CAMK1D: variants seen among roughly 807,000 people sequenced by gnomAD.
The protein encoded by CAMK1D is calcium/calmodulin dependent protein kinase ID.
In CAMK1D, 9 loss-of-function variants were observed where a neutral mutation model predicts 47.7. That is an observed-to-expected ratio of 0.19 (90% CI 0.11 to 0.33). CAMK1D has a LOEUF of 0.33. Among genes scored for constraint, CAMK1D ranks in the 10% least tolerant of loss-of-function variants. CAMK1D has a pLI of 1.00. For synonymous variants in CAMK1D, 184 were observed against 184.9 expected (o/e 0.99, Z 0.04); for missense variants, 291 against 488.7 (o/e 0.60, Z 3.81).
rs2130823129 is a variant in CAMK1D at position 12,734,432 on chromosome 10, A to ATAC, written c.300-26515_300-26513dup. ...CACACACACACACATGTATATATATATACACACACACATATGTGTATATAT... is the reference window on the plus strand; with the variant it reads ...CACACACACACACATGTATATATATATACTACACACACACATATGTGTATATAT... On this transcript the variant is annotated intron_variant, in intron 3 of 10. Coordinates refer to ENST00000619168, the MANE Select transcript of CAMK1D (RefSeq NM_153498.4). Among the ~76,000 whole-genome samples, 3 of 38,188 alleles carry ATAC rather than the reference A, an allele frequency of 7.9e-5. 1 individual carries two copies. The South Asian group carries it at 2.6e-3, about 33-fold the overall frequency. 25.1% of individuals were successfully genotyped at this position (38,188 alleles called of 152,430 possible).
chr10:12,433,158 T>C (rs1832537244), intron 1 of CAMK1D, among the ~76,000 whole-genome samples: 1 of 152,160 alleles, frequency 6.6e-6, no homozygotes, highest in South Asian at 2.1e-4. Context: ...TTGCTCTCTT[T>C]ATGCTGTTCT....
intron 1 of CAMK1D, among the ~76,000 whole-genome samples, chr10:12,548,706 C>T (rs1198179199): frequency 6.6e-6 from 1 of 151,540 alleles, no homozygotes; most frequent in Non-Finnish European, 1.5e-5. Flanking sequence ...CTCAAGCGAT[C>T]CTCCCACCTC....
chr10:12,680,841 C>G (rs2132606743), intron 3 of CAMK1D, among the ~76,000 whole-genome samples: 1 of 150,730 alleles, frequency 6.6e-6, no homozygotes, highest in East Asian at 1.9e-4. Flanking sequence ...GCTATGATGG[C>G]ACCACTTCAT....
At chr10:12,362,961 G>C (rs750156424) in intron 1 of CAMK1D, among the ~76,000 whole-genome samples, 53 of 105,782 alleles carry the variant, frequency 5.0e-4, no homozygotes, top group Non-Finnish European at 2.9e-4. Context: ...TTTTTTTTGA[G>C]ATAGGGTCTC....
At chr10:12,613,517 C>T (rs1838693072) in intron 2 of CAMK1D, among the ~76,000 whole-genome samples, 5 of 152,348 alleles carry the variant, frequency 3.3e-5, no homozygotes, top group South Asian at 2.1e-4. Flanking sequence ...GGTTGAGAGT[C>T]GGTATCTACC....
At chr10:12,382,428 T>A (rs116955622) in intron 1 of CAMK1D, among the ~76,000 whole-genome samples, 1 of 151,990 alleles carries the variant, frequency 6.6e-6, no homozygotes. Context: ...TTACATAGGA[T>A]CTTTCATATG....
chr10:12,604,317 T>C (rs1838388747), intron 2 of CAMK1D, among the ~76,000 whole-genome samples: 1 of 151,994 alleles, frequency 6.6e-6, no homozygotes, highest in Non-Finnish European at 1.5e-5. Context: ...ATTCCAAGGA[T>C]GGTGGAAGTT....
chr10:12,723,842 G>A (rs1834499619), intron 3 of CAMK1D, among the ~76,000 whole-genome samples: 1 of 152,100 alleles, frequency 6.6e-6, no homozygotes, highest in Non-Finnish European at 1.5e-5. Flanking sequence ...CATGTGCCAT[G>A]TTGGTGTGCT....
chr10:12,609,776 T>A (rs1414455480), intron 2 of CAMK1D, among the ~76,000 whole-genome samples: 4 of 152,170 alleles, frequency 2.6e-5, no homozygotes, highest in South Asian at 2.1e-4. Context: ...TACCAGTGCA[T>A]GGCCTGCAGG....
chr10:12,459,181 GATT>G (rs1183543194), intron 1 of CAMK1D, among the ~76,000 whole-genome samples: 1 of 151,866 alleles, frequency 6.6e-6, no homozygotes, highest in African/African-American at 2.4e-5. Context: ...GCCGGGCCAG[GATT>G]ATATTTTATC....
chr10:12,780,279 A>G (rs1008973335), intron 5 of CAMK1D, among the ~76,000 whole-genome samples: 4 of 152,134 alleles, frequency 2.6e-5, no homozygotes, highest in Non-Finnish European at 5.9e-5. Context: ...GGGGACTTGA[A>G]TGTAAGCGTC....
intron 1 of CAMK1D, among the ~76,000 whole-genome samples, chr10:12,394,403 C>G (rs1278248465): frequency 1.3e-5 from 2 of 152,162 alleles, no homozygotes; most frequent in Non-Finnish European, 2.9e-5. Context: ...GTGCCTCTCC[C>G]CTTTCTGGAC....
intron 1 of CAMK1D, among the ~76,000 whole-genome samples, chr10:12,441,869 C>A (rs1832794042): frequency 6.6e-6 from 1 of 152,292 alleles, no homozygotes; most frequent in South Asian, 2.1e-4. Context: ...TTTTTATATT[C>A]TATTCCATAC....
chr10:12,415,745 CG>C (rs1217361330), intron 1 of CAMK1D, among the ~76,000 whole-genome samples: 3 of 138,278 alleles, frequency 2.2e-5, no homozygotes, highest in Non-Finnish European at 4.7e-5. Context: ...ATTAAAATTA[CG>C]TTTTTTTTTT....
intron 1 of CAMK1D, among the ~76,000 whole-genome samples, chr10:12,420,215 C>T (rs1447576628): frequency 6.6e-6 from 1 of 152,200 alleles, no homozygotes; most frequent in Non-Finnish European, 1.5e-5. Context: ...GTCTCGGCCT[C>T]CCAAAGTGCT....
At chr10:12,808,147 T>C (rs1999370) in intron 6 of CAMK1D, among the ~76,000 whole-genome samples, 34,052 of 152,166 alleles carry the variant, frequency 0.22, 7,105 homozygotes, top group African/African-American at 0.54. Context: ...AATTCCTGCT[T>C]ATCCCCTGAG....
chr10:12,445,043 A>G (rs936351230), intron 1 of CAMK1D, among the ~76,000 whole-genome samples: 1 of 152,242 alleles, frequency 6.6e-6, no homozygotes, highest in African/African-American at 2.4e-5. Flanking sequence ...GATTTCTTTC[A>G]GGGCCTGCTA....
chr10:12,385,909 G>T (rs937783399), intron 1 of CAMK1D, among the ~76,000 whole-genome samples: 1 of 152,066 alleles, frequency 6.6e-6, no homozygotes, highest in Non-Finnish European at 1.5e-5. Flanking sequence ...ACCGCGCCTG[G>T]CTATTTTTGT....
At chr10:12,392,014 C>CACACAA (rs1838751588) in intron 1 of CAMK1D, among the ~76,000 whole-genome samples, 1 of 147,192 alleles carries the variant, frequency 6.8e-6, no homozygotes, top group African/African-American at 2.5e-5. Flanking sequence ...CACACACACA[C>CACACAA]ACAAACAGTC....
Sources: allele counts gnomAD v4.1 joint callset (sites outside exome capture counted in the v4.1 genomes callset), GRCh38; gene constraint gnomAD v4.1.1; transcripts MANE v1.5; gene names NCBI Gene and HGNC (gene_info 2026-07-23, HGNC 2026-07-21).